The following MAPK8IP3 variants were observed in gnomAD, a reference collection of about 807,000 sequenced individuals.
The protein encoded by MAPK8IP3 is C-Jun-amino-terminal kinase-interacting protein 3.
A neutral mutation model predicts 157.8 loss-of-function variants in MAPK8IP3; 49 were observed. The ratio of observed to expected loss-of-function variants is 0.31; its 90% CI spans 0.25 to 0.39. The LOEUF is 0.39. Among genes scored for constraint, MAPK8IP3 ranks in the 10% least tolerant of loss-of-function variants. The pLI is 1.00. For synonymous variants in MAPK8IP3, 897 were observed against 777.7 expected (o/e 1.15, Z -2.55); for missense variants, 1,478 against 1,889.4 (o/e 0.78, Z 4.04).
At chr16:1,734,417 C>G (rs1254591766) in intron 4 of MAPK8IP3, among the ~76,000 whole-genome samples, 1 of 152,156 alleles carries the variant, frequency 6.6e-6, no homozygotes. Context: ...CCTCCGGGCT[C>G]GTGTGTCCCC....
chr16:1,758,837 C>T (rs2041768778), intron 9 of MAPK8IP3, 141 bp from the exon 10 acceptor site: 2 of 804,930 alleles, frequency 2.5e-6, no homozygotes, highest in Middle Eastern at 2.3e-4. Flanking sequence ...CCTCCTGCAC[C>T]CACCCTAACC....
chr16:1,709,903 CT>C (rs1197467362), intron 1 of MAPK8IP3, among the ~76,000 whole-genome samples: 1 of 152,198 alleles, frequency 6.6e-6, no homozygotes, highest in African/African-American at 2.4e-5. Context: ...AAAGAAACTG[CT>C]GCTGGTAACA....
chr16:1,744,084 G>A lies in MAPK8IP3; in HGVS notation c.747+608G>A, dbSNP rs2040833669. On this transcript the variant is annotated intron_variant, in intron 5 of 31. Transcript: ENST00000610761. ...CCCAGCAGGTTCTCACAGCCAGCCG[G>A]TGAGTGCACCTCAGAGCACAGGGGC... 7.1e-6 allele frequency: 7 copies of A among 988,030 alleles called. No individual in the cohort carries two copies. In the South Asian group the frequency reaches 1.8e-4, roughly 26 times the overall value. 61.2% of individuals were successfully genotyped at this position (988,030 alleles called of 1,614,324 possible).
chr16:1,762,360 C>G lies in MAPK8IP3; in HGVS notation c.1549C>G (p.Pro517Ala). ...GCCCCTCCCTCCGCAGGACAAAATC[C>G]CCATGGCCCAGCGCCGCCGCTTCAC... ...SYLCTESDKI[P>A]MAQRRRFTRV... is the part of the protein sequence containing the mutation. The change falls in exon 14 of 32, where the codon CCC becomes GCC. Residue 517 changes from proline (P) to alanine (A), a missense_variant. Around this residue, in one of 11 missense-constraint regions of MAPK8IP3, gnomAD observed 96 missense variants for 106.3 expected, o/e 0.90. Transcript: ENST00000610761. The G allele has an allele frequency of 6.3e-7, 1 of 1,574,954 alleles. No homozygotes were observed. Among genetic ancestry groups the G allele is most frequent in the Non-Finnish European group, 8.6e-7 (1 of 1,160,688 alleles).
intron 1 of MAPK8IP3, among the ~76,000 whole-genome samples, chr16:1,720,436 C>G (rs1390867300): frequency 6.6e-6 from 1 of 152,150 alleles, no homozygotes; most frequent in Non-Finnish European, 1.5e-5. Flanking sequence ...CAGCAGAACA[C>G]ACACCTGCCA....
chr16:1,766,073 AC>A lies in MAPK8IP3; in HGVS notation c.2563del (p.Arg855AlafsTer18). The A allele has an allele frequency of 6.2e-7, 1 of 1,612,746 alleles. No homozygotes were observed. The highest frequency in any genetic ancestry group is 8.5e-7 in the Non-Finnish European group (1 of 1,179,938). ...CGGTATCACCCTGGTGGGCTGTGCCACCCGCTGCAACGTGCCGCGGAGCAAC... is the reference window on the plus strand; with the variant it reads ...CGGTATCACCCTGGTGGGCTGTGCCACCGCTGCAACGTGCCGCGGAGCAAC... ...LAGITLVGCATRCNVPRSNCS... is the reference protein window; with the variant it reads ...LAGITLVGCAXRCNVPRSNCS... On this transcript the variant is annotated frameshift_variant, in exon 21 of 32. Transcript: ENST00000610761. LOFTEE classifies it high-confidence loss of function.
At chr16:1,723,106 C>T (rs2038642470) in intron 1 of MAPK8IP3, among the ~76,000 whole-genome samples, 1 of 151,918 alleles carries the variant, frequency 6.6e-6, no homozygotes, top group South Asian at 2.1e-4. Flanking sequence ...GTGATCTGGG[C>T]TCACTGCAAT....
At chr16:1,708,729 C>T (rs569504560) in intron 1 of MAPK8IP3, among the ~76,000 whole-genome samples, 6 of 152,050 alleles carry the variant, frequency 3.9e-5, no homozygotes, top group African/African-American at 7.2e-5. Flanking sequence ...CCGAGAGCTT[C>T]GGGAGCCGAG....
intron 13 of MAPK8IP3, 49 bp downstream of exon 13, chr16:1,761,354 T>G (rs1322907597): frequency 1.3e-6 from 2 of 1,548,566 alleles, no homozygotes; most frequent in South Asian, 2.2e-5. Flanking sequence ...CCATTCACTT[T>G]TCACAGGCGG....
rs2042367684 is a variant in MAPK8IP3 at position 1,767,907 on chromosome 16, C to A, written c.3512C>A (p.Pro1171His). The A allele has an allele frequency of 2.5e-6, 4 of 1,611,024 alleles. No homozygotes were observed. The highest frequency in any genetic ancestry group is 3.4e-6 in the Non-Finnish European group (4 of 1,179,856). Residue 1171 changes from proline to histidine, a missense_variant, in exon 28 of 32, where the codon CCC becomes CAC. Physicochemically the swap from Pro to His is moderately conservative, Grantham distance 77. Transcript: ENST00000610761. ...GGCAACGGAGTGGTCATCTCCATCC[C>A]CCTGACAGAGAGTGAGTGGCCTGCA... The part of the protein sequence containing the change: ...GTGNGVVISI[P>H]LTETVVLHRG...
chr16:1,730,725 T>C (rs565869845), intron 4 of MAPK8IP3, among the ~76,000 whole-genome samples: 5 of 151,532 alleles, frequency 3.3e-5, no homozygotes, highest in African/African-American at 7.3e-5. Flanking sequence ...CGCCTGTAGT[T>C]CCAGCTATTC....
At chr16:1,767,949 G>T in intron 28 of MAPK8IP3, 31 bp downstream of exon 28, 1 of 1,606,324 alleles carries the variant, frequency 6.2e-7, no homozygotes. Flanking sequence ...CAGGGGCAGT[G>T]GTGCTGCCAG....
intron 4 of MAPK8IP3, among the ~76,000 whole-genome samples, chr16:1,735,687 G>GCATC (rs2039680789): frequency 6.9e-6 from 1 of 145,244 alleles, no homozygotes; most frequent in South Asian, 2.2e-4. Flanking sequence ...GTCCGTGTGA[G>GCATC]CGTCTGTGTG....
rs774861552 is a variant in MAPK8IP3, at chr16:1,741,543, A to T, written c.603-1789A>T. On this transcript the variant is annotated intron_variant, in intron 4 of 31. Transcript: ENST00000610761. This position sits in a 1 kb window ranked among gnomAD's most constrained non-coding sequence, Gnocchi z 6.9. ...GCCAGGACCGCATCGGCTTCGGTCT[A>T]GGGACTGAGACGTGTCTGATGGCGT... Among the ~76,000 whole-genome samples, 1 of 152,122 alleles carries T rather than the reference A, an allele frequency of 6.6e-6. No homozygotes were observed. The highest frequency in any genetic ancestry group is 1.5e-5 in the Non-Finnish European group (1 of 68,016).
intron 1 of MAPK8IP3, among the ~76,000 whole-genome samples, chr16:1,715,962 C>T (rs547468525): frequency 4.4e-4 from 67 of 152,032 alleles, no homozygotes; most frequent in African/African-American, 1.5e-3. Context: ...CCTGACCTCA[C>T]GTGATCTGCC....
intron 1 of MAPK8IP3, among the ~76,000 whole-genome samples, chr16:1,714,709 A>G (rs2038030770): frequency 6.6e-6 from 1 of 151,982 alleles, no homozygotes; most frequent in Non-Finnish European, 1.5e-5. Flanking sequence ...GCCCTTGCAC[A>G]CGTGTGTCTC....
At chr16:1,714,579 C>T (rs933541923) in intron 1 of MAPK8IP3, among the ~76,000 whole-genome samples, 1 of 152,188 alleles carries the variant, frequency 6.6e-6, no homozygotes, top group African/African-American at 2.4e-5. Context: ...GGGCCCCTTC[C>T]TCCCCAGGCC....
chr16:1,723,775 C>T (rs112641388), intron 1 of MAPK8IP3, among the ~76,000 whole-genome samples: 2 of 152,298 alleles, frequency 1.3e-5, no homozygotes, highest in African/African-American at 2.4e-5. Flanking sequence ...CTTATGGCAT[C>T]GATGCCCGGC....
chr16:1,759,180 C>A (rs997355176), intron 10 of MAPK8IP3, among the ~76,000 whole-genome samples, 185 bp downstream of exon 10: 2 of 152,178 alleles, frequency 1.3e-5, no homozygotes, highest in Non-Finnish European at 2.9e-5. Flanking sequence ...GTGGCGACTT[C>A]CCCAAGGGAC....
Sources: gnomAD v4.1 joint callset for allele counts (sites outside exome capture counted in the v4.1 genomes callset) on GRCh38, gnomAD v4.1.1 for gene constraint, gnomAD v4.1.1 regional missense constraint, Gnocchi (gnomAD v3.1) non-coding constraint, MANE v1.5 for transcripts, NCBI Gene and HGNC (gene_info 2026-07-23, HGNC 2026-07-21) for gene names.